The following EFHC1 variants were observed in gnomAD, a reference collection of about 807,000 sequenced individuals.
The protein encoded by EFHC1 is EF-hand domain containing 1.
EFHC1 carries 53 observed loss-of-function variants against 69.9 expected under a neutral mutation model. The observed-to-expected ratio is 0.76, with a 90% CI of 0.61 to 0.95. EFHC1 has a LOEUF of 0.95. Among genes scored for constraint, EFHC1 ranks in the 40% least tolerant of loss-of-function variants. The probability of loss-of-function intolerance (pLI) is 0.00; values close to 1 mark genes in which losing one functional copy is unlikely to be tolerated. For synonymous variants in EFHC1, 256 were observed against 278.4 expected (o/e 0.92, Z 0.80); for missense variants, 739 against 798.7 (o/e 0.93, Z 0.90).
intron 7 of EFHC1, among the ~76,000 whole-genome samples, chr6:52,475,303 C>G (rs1320868583): frequency 6.6e-6 from 1 of 151,906 alleles, no homozygotes; most frequent in Non-Finnish European, 1.5e-5. Context: ...TATGGAAATT[C>G]AAAAAGAAAG....
intron 4 of EFHC1, chr6:52,453,752 C>T (rs1196519290): frequency 1.6e-6 from 2 of 1,242,276 alleles, no homozygotes; most frequent in Non-Finnish European, 1.0e-6. Context: ...TTCACATGTA[C>T]CTTTATTAAT....
At chr6:52,491,150 G>A (rs542637721) in intron 10 of EFHC1, 2 of 152,216 alleles carry the variant, frequency 1.3e-5, no homozygotes, top group South Asian at 4.1e-4. Context: ...AGCAGGGAGT[G>A]AGTAGGAGGG....
chr6:52,462,210 C>A, intron 5 of EFHC1, among the ~76,000 whole-genome samples: 1 of 150,604 alleles, frequency 6.6e-6, no homozygotes, highest in Middle Eastern at 3.5e-3. Context: ...TTTCAGATAA[C>A]CCATGAGTTA....
chr6:52,469,114 G>T, intron 6 of EFHC1: 1 of 569,848 alleles, frequency 1.8e-6, no homozygotes, highest in South Asian at 2.0e-5. Context: ...AGTTACTTTA[G>T]AGCATCATCA....
chr6:52,436,093 A>T (rs538047293), intron 2 of EFHC1, among the ~76,000 whole-genome samples: 2 of 152,288 alleles, frequency 1.3e-5, no homozygotes, highest in African/African-American at 4.8e-5. Flanking sequence ...TTATGTATTT[A>T]TAAATATATG....
chr6:52,473,246 A>G (rs1765476298), intron 7 of EFHC1, among the ~76,000 whole-genome samples: 1 of 152,196 alleles, frequency 6.6e-6, no homozygotes, highest in Non-Finnish European at 1.5e-5. Flanking sequence ...CAAATACAGC[A>G]CTGCAGAGGG....
intron 3 of EFHC1, 66 bp from the exon 4 acceptor site, chr6:52,452,622 A>G: frequency 3.2e-6 from 5 of 1,574,018 alleles, no homozygotes; most frequent in Non-Finnish European, 3.5e-6. Flanking sequence ...TTTTTATATA[A>G]TCAGTTTATA....
Position 52,494,314 on chromosome 6 carries a change from CCCAGGCTTAGAAG to C in EFHC1, c.*1976_*1988del, listed in dbSNP as rs1215084239. 1 of 453,974 alleles carries C rather than the reference CCCAGGCTTAGAAG, an allele frequency of 2.2e-6. No homozygotes were observed. Among genetic ancestry groups the C allele is most frequent in the Non-Finnish European group, 4.4e-6 (1 of 226,802 alleles). The allele number at this position is 453,974 out of a possible 1,614,324, so 28.1% of individuals were successfully genotyped here. On this transcript the variant is annotated 3_prime_UTR_variant, in exon 11 of 11. Transcript: ENST00000371068. ...CTACTTGGCCCAGCTCAGTCCTTCC[CCCAGGCTTAGAAG>C]CCTGTGGTAAAGAGTGTGTGTATAC...
intron 5 of EFHC1, among the ~76,000 whole-genome samples, chr6:52,463,187 C>A (rs1765212711): frequency 2.2e-5 from 3 of 135,780 alleles, no homozygotes; most frequent in Admixed American, 8.4e-5. Context: ...GCCACCACAC[C>A]CAGCTAATTT....
At chr6:52,481,807 G>A (rs1765682576) in intron 9 of EFHC1, 1 of 152,178 alleles carries the variant, frequency 6.6e-6, no homozygotes, top group South Asian at 2.1e-4. Flanking sequence ...CATTGCTCCT[G>A]GCCTGGGTGA....
At chr6:52,478,943 T>G in intron 7 of EFHC1, 94 bp from the exon 8 acceptor site, 1 of 1,182,434 alleles carries the variant, frequency 8.5e-7, no homozygotes, top group South Asian at 1.2e-5. Flanking sequence ...ACTGCTTCAT[T>G]TATATCCTAT....
intron 3 of EFHC1, among the ~76,000 whole-genome samples, chr6:52,445,306 TTTA>T (rs1764757393): frequency 6.6e-6 from 1 of 151,510 alleles, no homozygotes. Flanking sequence ...TATTTATTTT[TTTA>T]TTATTATACT....
intron 5 of EFHC1, among the ~76,000 whole-genome samples, chr6:52,459,964 C>G (rs2114002512): frequency 6.6e-6 from 1 of 152,304 alleles, no homozygotes; most frequent in Non-Finnish European, 1.5e-5. Context: ...GCATGAGCCA[C>G]CGTACCCGGC....
chr6:52,452,690 A>G lies in EFHC1; in HGVS notation c.576A>G (p.Val192=), dbSNP rs1764940934. The change falls in exon 4 of 11, where the codon GTA becomes GTG. Residue 192 remains valine, a splice_region_variant and synonymous_variant. Transcript: ENST00000371068. Reference sequence around the variant, plus strand: ...ATTGTTAACTTTCAATTATTTAGGTATTTTTAGAAAGCCAAGGAATTGAGT... The same window carrying G: ...ATTGTTAACTTTCAATTATTTAGGTGTTTTTAGAAAGCCAAGGAATTGAGT... ...RVVDCDQFTQ[V]FLESQGIELN... 2 of 1,614,114 alleles carry G rather than the reference A, an allele frequency of 1.2e-6. No individual in the cohort carries two copies. Among genetic ancestry groups the G allele is most frequent in the Non-Finnish European group, 1.7e-6 (2 of 1,179,994 alleles).
chr6:52,421,867 G>C (rs911891556), intron 1 of EFHC1, among the ~76,000 whole-genome samples: 2 of 152,174 alleles, frequency 1.3e-5, no homozygotes, highest in African/African-American at 4.8e-5. Flanking sequence ...AGTATAGACA[G>C]GGCTGAGTTG....
At chr6:52,442,908 A>G (rs1008293623) in intron 3 of EFHC1, among the ~76,000 whole-genome samples, 1 of 152,180 alleles carries the variant, frequency 6.6e-6, no homozygotes, top group Non-Finnish European at 1.5e-5. Context: ...TTACATTCCC[A>G]CCAACAGTGT....
At chr6:52,464,487 T>C (rs1201641303) in intron 5 of EFHC1, among the ~76,000 whole-genome samples, 1 of 152,236 alleles carries the variant, frequency 6.6e-6, no homozygotes, top group African/African-American at 2.4e-5. Flanking sequence ...ATGATATAGA[T>C]GGTCACTAGT....
At chr6:52,459,849 T>G (rs895039677) in intron 5 of EFHC1, among the ~76,000 whole-genome samples, 1 of 152,154 alleles carries the variant, frequency 6.6e-6, no homozygotes, top group African/African-American at 2.4e-5. Context: ...TAATTTTTTG[T>G]ATTTTTAGTA....
At chr6:52,434,292 G>C (rs776119191) in intron 2 of EFHC1, among the ~76,000 whole-genome samples, 3 of 152,106 alleles carry the variant, frequency 2.0e-5, no homozygotes, top group Non-Finnish European at 4.4e-5. Flanking sequence ...CCCTCCCCAA[G>C]TACCCCTGTG....
Sources: gnomAD v4.1 joint callset for allele counts (sites outside exome capture counted in the v4.1 genomes callset) on GRCh38, gnomAD v4.1.1 for gene constraint, MANE v1.5 for transcripts, NCBI Gene and HGNC (gene_info 2026-07-23, HGNC 2026-07-21) for gene names.